NUP155: variants seen among roughly 807,000 people sequenced by gnomAD.
NUP155 encodes the protein nucleoporin 155.
A neutral mutation model predicts 180.4 loss-of-function variants in NUP155; 71 were observed. The observed-to-expected ratio is 0.39, with a 90% confidence interval of 0.33 to 0.48. The LOEUF (loss-of-function observed/expected upper bound fraction) is 0.48, where lower values mean the gene tolerates loss of function less well. Ranked by LOEUF, NUP155 falls within the 20% of genes least tolerant of loss-of-function variation. NUP155 has a pLI of 0.91. For synonymous variants in NUP155, 582 were observed against 559.5 expected, an observed-to-expected ratio of 1.04 and a Z score of -0.57; for missense variants, 1,553 against 1,648.9, an observed-to-expected ratio of 0.94 and a Z score of 1.01.
chr5:37,336,943 T>C (rs1050715275), intron 12 of NUP155, among the ~76,000 whole-genome samples: 3 of 152,126 alleles, frequency 2.0e-5, no homozygotes, highest in Non-Finnish European at 4.4e-5. Flanking sequence ...AAAATGCCTG[T>C]GAAGAGGTAG....
At chr5:37,320,949 G>A (rs928561888) in intron 20 of NUP155, among the ~76,000 whole-genome samples, 1 of 152,110 alleles carries the variant, frequency 6.6e-6, no homozygotes, top group African/African-American at 2.4e-5. Flanking sequence ...CTTCTTAATT[G>A]GTGTTTAAGG....
At chr5:37,357,568 T>A (rs1196914300) in intron 4 of NUP155, among the ~76,000 whole-genome samples, 1 of 152,042 alleles carries the variant, frequency 6.6e-6, no homozygotes, top group Admixed American at 6.6e-5. Flanking sequence ...ATTCAAAAAA[T>A]TACAGTTTAA....
intron 15 of NUP155, 46 bp from the exon 16 acceptor site, chr5:37,329,324 TC>T (rs34210091): frequency 6.1e-6 from 9 of 1,475,872 alleles, no homozygotes; most frequent in Admixed American, 1.7e-5. Flanking sequence ...AAACAAACCA[TC>T]CATCTTAAAA....
chr5:37,348,366 T>C, intron 9 of NUP155, 139 bp downstream of exon 9: 1 of 678,462 alleles, frequency 1.5e-6, no homozygotes, highest in South Asian at 1.7e-5. Flanking sequence ...TCAAACATAA[T>C]GTAGAGTGTC....
chr5:37,297,307 C>T (rs779843832), intron 32 of NUP155, among the ~76,000 whole-genome samples: 3 of 151,850 alleles, frequency 2.0e-5, no homozygotes, highest in Non-Finnish European at 4.4e-5. Context: ...GTGTGAGCCA[C>T]CACACAAAGC....
rs35489900 is a variant in NUP155 at position 37,361,265 on chromosome 5, C to CAAAAAA, written c.392+2617_392+2622dup. On this transcript the variant is annotated intron_variant, in intron 3 of 34. Coordinates refer to ENST00000231498, the MANE Select transcript of NUP155 (RefSeq NM_153485.3). ...TGGGCGACAGAGCGAGACTCTGTCTCAAAAAAAAAAAAAAAAAAAAGACAA... is the reference window on the plus strand; with the variant it reads ...TGGGCGACAGAGCGAGACTCTGTCTCAAAAAAAAAAAAAAAAAAAAAAAAAAGACAA... 8.9e-3 allele frequency among the ~76,000 whole-genome samples: 691 copies of CAAAAAA among 77,878 alleles called. 27 individuals are homozygous for CAAAAAA. The highest frequency in any genetic ancestry group is 0.039 in the African/African-American group (652 of 16,726). The allele number at this position is 77,878 out of a possible 152,430, so 51.1% of individuals were successfully genotyped here. A position where few individuals can be genotyped will look rare whatever the true frequency, so the allele number is the denominator to read the frequency against.
intron 21 of NUP155, among the ~76,000 whole-genome samples, chr5:37,317,617 T>C (rs1443050645): frequency 6.6e-6 from 1 of 151,830 alleles, no homozygotes; most frequent in Non-Finnish European, 1.5e-5. Flanking sequence ...CAAAAATGTA[T>C]ATGCTAAAAG....
chr5:37,309,253 GAGA>G lies in NUP155; in HGVS notation c.2640_2642del (p.Leu881del). ...TATTTTGAACTTGTCGGGAACGCTG[GAGA>G]AGCTCATTTGCCTAGAAGAGGAGAT... On this transcript the variant is annotated inframe_deletion, in exon 24 of 35. Coordinates refer to ENST00000231498, the MANE Select transcript of NUP155 (RefSeq NM_153485.3). The G allele has an allele frequency of 6.2e-7, 1 of 1,609,852 alleles. No individual in the cohort carries two copies. Among genetic ancestry groups the G allele is most frequent in the Non-Finnish European group, 8.5e-7 (1 of 1,178,468 alleles).
At chr5:37,335,691 T>C (rs1745285800) in intron 12 of NUP155, among the ~76,000 whole-genome samples, 1 of 152,168 alleles carries the variant, frequency 6.6e-6, no homozygotes, top group South Asian at 2.1e-4. Flanking sequence ...GGCTTACACC[T>C]GTAATCCCAA....
intron 22 of NUP155, among the ~76,000 whole-genome samples, chr5:37,312,213 C>G (rs1481196126): frequency 6.6e-6 from 1 of 152,062 alleles, no homozygotes; most frequent in Non-Finnish European, 1.5e-5. Context: ...ACAACGAAAC[C>G]TTTTGTATCT....
chr5:37,298,187 G>A (rs905089579), intron 32 of NUP155, among the ~76,000 whole-genome samples: 9 of 150,694 alleles, frequency 6.0e-5, no homozygotes, highest in African/African-American at 2.0e-4. Flanking sequence ...GCAGTGAGCC[G>A]AGATGGCATC....
chr5:37,304,341 A>G (rs1044690101), intron 27 of NUP155, among the ~76,000 whole-genome samples: 2 of 151,714 alleles, frequency 1.3e-5, no homozygotes, highest in Non-Finnish European at 2.9e-5. Context: ...ATTCCTAGAC[A>G]TTGAGCTCAA....
rs930976161 is a variant in NUP155 at position 37,304,687 on chromosome 5, G to A, written c.3162+52C>T. 21 of 1,236,434 alleles carry A rather than the reference G, an allele frequency of 1.7e-5. No homozygotes were observed. The Admixed American group carries it at 2.6e-4, about 15-fold the overall frequency. The allele number at this position is 1,236,434 out of a possible 1,614,324, so 76.6% of individuals were successfully genotyped here. A position where few individuals can be genotyped will look rare whatever the true frequency, so the allele number is the denominator to read the frequency against. On this transcript the variant is annotated intron_variant, in intron 27 of 34. Transcript: ENST00000231498. ...CATCTATATATGTGCTTAAATCATTGAGTTATGCTCCTTAAGAATAATTAA... is the reference window on the plus strand; with the variant it reads ...CATCTATATATGTGCTTAAATCATTAAGTTATGCTCCTTAAGAATAATTAA...
intron 24 of NUP155, 144 bp from the exon 25 acceptor site, chr5:37,307,576 G>C: frequency 1.2e-6 from 1 of 801,506 alleles, no homozygotes; most frequent in South Asian, 1.5e-5. Context: ...TTTCTGATAG[G>C]TCTTCAGAAG....
chr5:37,309,162 C>A lies in NUP155; in HGVS notation c.2734G>T (p.Asp912Tyr). 1 of 1,613,580 alleles carries A rather than the reference C, an allele frequency of 6.2e-7. No individual in the cohort carries two copies. Residue 912 changes from aspartate (D) to tyrosine (Y), a missense_variant, in exon 24 of 35, where the codon GAC becomes TAC. Physicochemically the swap from Asp to Tyr is radical, Grantham distance 160. Coordinates refer to ENST00000231498, the MANE Select transcript of NUP155 (RefSeq NM_153485.3). ...KEYQKISNQV[D>Y]LSNVCAQYRQ... ...TACTGAGCACAAACATTGGAAAGGTCCACTTGATTGCTAATTTTTTGATAT... is the reference window on the plus strand; with the variant it reads ...TACTGAGCACAAACATTGGAAAGGTACACTTGATTGCTAATTTTTTGATAT...
intron 20 of NUP155, among the ~76,000 whole-genome samples, chr5:37,320,852 A>C (rs192117850): frequency 6.6e-6 from 1 of 152,324 alleles, no homozygotes; most frequent in East Asian, 1.9e-4. Context: ...ACAAAATGTA[A>C]TAGAGTTTGT....
At chr5:37,323,687 T>C (rs562307770) in intron 20 of NUP155, among the ~76,000 whole-genome samples, 1 of 149,594 alleles carries the variant, frequency 6.7e-6, no homozygotes, top group South Asian at 2.1e-4. Flanking sequence ...ATATATAAAA[T>C]ATAATATTTA....
intron 33 of NUP155, 50 bp downstream of exon 33, chr5:37,294,279 G>A (rs910364970): frequency 7.7e-7 from 1 of 1,297,548 alleles, no homozygotes; most frequent in African/African-American, 1.5e-5. Context: ...TATCTACAAA[G>A]TTACTTTAAT....
intron 3 of NUP155, among the ~76,000 whole-genome samples, chr5:37,359,502 C>T (rs1305598581): frequency 6.6e-6 from 1 of 152,086 alleles, no homozygotes; most frequent in African/African-American, 2.4e-5. Flanking sequence ...AACCAACTTG[C>T]ACCCTAAGTA....
Sources: allele counts gnomAD v4.1 joint callset (sites outside exome capture counted in the v4.1 genomes callset), GRCh38; gene constraint gnomAD v4.1.1; transcripts MANE v1.5; gene names NCBI Gene and HGNC (gene_info 2026-07-23, HGNC 2026-07-21).